The following FHDC1 variants were observed in gnomAD, a reference collection of about 807,000 sequenced individuals.
The protein encoded by FHDC1 is FH2 domain containing 1.
In FHDC1, 25 loss-of-function variants were observed where a neutral mutation model predicts 52.6. The ratio of observed to expected loss-of-function variants is 0.48; its 90% CI spans 0.35 to 0.66. The LOEUF (loss-of-function observed/expected upper bound fraction) is 0.66. Ranked by LOEUF, FHDC1 falls within the 30% of genes least tolerant of loss-of-function variation. FHDC1 has a pLI of 0.01. For synonymous variants in FHDC1, 616 were observed against 581.5 expected (o/e 1.06, Z -0.85); for missense variants, 1,459 against 1,452.8 (o/e 1.00, Z -0.07).
At chr4:152,942,400 T>C (rs1472470235) in intron 1 of FHDC1, among the ~76,000 whole-genome samples, 1 of 152,214 alleles carries the variant, frequency 6.6e-6, no homozygotes, top group Non-Finnish European at 1.5e-5. Context: ...GTGGCCCTGA[T>C]TCCAGGGAAA....
rs186118847 is a variant in FHDC1, at chr4:152,958,191, G to A, written c.664-2374G>A. Among the ~76,000 whole-genome samples, 3 of 152,280 alleles carry A rather than the reference G, an allele frequency of 2.0e-5. No individual in the cohort carries two copies. In the East Asian group the frequency reaches 5.8e-4, roughly 29 times the overall value. ...GAAGGAGGTGTGCCCTTTGGAGTGT[G>A]AGAGTCTCAAGGAGCCTGCTCTCAC... On this transcript the variant is annotated intron_variant, in intron 4 of 11. Transcript: ENST00000511601.
rs1741011895 is a variant in FHDC1, at chr4:152,979,448, T to C, written c.*2725T>C. 6.6e-6 allele frequency: 1 copy of C among 152,242 alleles called. No individual in the cohort carries two copies. Among genetic ancestry groups the C allele is most frequent in the Admixed American group, 6.5e-5 (1 of 15,282 alleles). 9.4% of individuals were successfully genotyped at this position (152,242 alleles called of 1,614,324 possible). On this transcript the variant is annotated 3_prime_UTR_variant, in exon 12 of 12. Coordinates refer to ENST00000511601, the MANE Select transcript of FHDC1 (RefSeq NM_001371116.1). ...AGCTGTGTTTCCTGGGAAGTGGTGC[T>C]TTACTTAGCCCTGTGGACAACTTCT...
Position 152,953,557 on chromosome 4 carries a change from A to G in FHDC1, c.557A>G (p.Lys186Arg). 6.2e-7 allele frequency: 1 copy of G among 1,611,416 alleles called. No individual in the cohort carries two copies. The highest frequency in any genetic ancestry group is 8.5e-7 in the Non-Finnish European group (1 of 1,179,752). Residue 186 changes from lysine to arginine, a missense_variant, in exon 3 of 12, where the codon AAG (lysine) becomes AGG (arginine). This residue lies in a region of FHDC1 where 513 missense variants were observed against 581.5 expected (regional missense o/e 0.88). Transcript: ENST00000511601. Reference protein sequence around the residue: ...MNIGIFLKQFKKSPRSIVEDI... With the variant: ...MNIGIFLKQFRKSPRSIVEDI... Reference sequence around the variant, plus strand: ...ATTGGGATATTTCTTAAGCAATTTAAGAAGTAAGATTTTGCACACATTTGA... The same window carrying G: ...ATTGGGATATTTCTTAAGCAATTTAGGAAGTAAGATTTTGCACACATTTGA...
intron 9 of FHDC1, among the ~76,000 whole-genome samples, chr4:152,967,608 T>G (rs756409492): frequency 6.6e-6 from 1 of 152,216 alleles, no homozygotes; most frequent in Non-Finnish European, 1.5e-5. Context: ...GAGTTTCCTA[T>G]TTGTGTTTAG....
intron 2 of FHDC1, among the ~76,000 whole-genome samples, chr4:152,948,572 C>G (rs960797761): frequency 6.6e-6 from 1 of 152,150 alleles, no homozygotes; most frequent in Non-Finnish European, 1.5e-5. Flanking sequence ...TCTGTCTCAG[C>G]CTCCTGAGTA....
chr4:152,971,676 G>C (rs1740641564), intron 10 of FHDC1, among the ~76,000 whole-genome samples: 1 of 152,234 alleles, frequency 6.6e-6, no homozygotes, highest in African/African-American at 2.4e-5. Flanking sequence ...GTTTTGTAAA[G>C]GACAGTAATG....
chr4:152,951,438 G>C (rs1739923633), intron 2 of FHDC1, among the ~76,000 whole-genome samples: 1 of 152,022 alleles, frequency 6.6e-6, no homozygotes, highest in Admixed American at 6.6e-5. Flanking sequence ...CGCCCTTTCA[G>C]CTTGGGAGTT....
chr4:152,935,089 C>A (rs1047425276), upstream of FHDC1, among the ~76,000 whole-genome samples: 1 of 152,070 alleles, frequency 6.6e-6, no homozygotes, highest in African/African-American at 2.4e-5. Flanking sequence ...TAATTGGATC[C>A]ATTTCTCTTC....
the FHDC1 span, among the ~76,000 whole-genome samples, chr4:152,920,140 G>C: frequency 1.3e-5 from 2 of 151,764 alleles, no homozygotes; most frequent in Non-Finnish European, 2.9e-5. Context: ...TAGAGACAGG[G>C]TTTCACCATA....
At chr4:152,922,636 G>A in the FHDC1 span, among the ~76,000 whole-genome samples, 1 of 152,114 alleles carries the variant, frequency 6.6e-6, no homozygotes, top group Non-Finnish European at 1.5e-5. Context: ...GAATCCAGCA[G>A]CACATCAAAA....
the FHDC1 span, among the ~76,000 whole-genome samples, chr4:152,924,706 T>C: frequency 6.6e-6 from 1 of 152,118 alleles, no homozygotes; most frequent in Admixed American, 6.5e-5. Context: ...TCATGTCATT[T>C]GTAGGGACAT....
intron 9 of FHDC1, among the ~76,000 whole-genome samples, chr4:152,965,820 C>A (rs564886003): frequency 6.6e-6 from 1 of 152,188 alleles, no homozygotes; most frequent in African/African-American, 2.4e-5. Context: ...AAGCCAGTTC[C>A]TAGCATATAC....
the FHDC1 span, among the ~76,000 whole-genome samples, chr4:152,916,834 G>A: frequency 2.0e-5 from 3 of 152,168 alleles, no homozygotes; most frequent in Non-Finnish European, 4.4e-5. Flanking sequence ...AAATAGTTTA[G>A]GATATGACTA....
At chr4:152,956,943 T>C (rs1411983839) in intron 4 of FHDC1, among the ~76,000 whole-genome samples, 1 of 152,064 alleles carries the variant, frequency 6.6e-6, no homozygotes, top group East Asian at 1.9e-4. Context: ...GTATCTGTGC[T>C]GTGGGAGGGG....
Position 152,975,037 on chromosome 4 carries a change from G to T in FHDC1, c.1746G>T (p.Thr582=), listed in dbSNP as rs1561215993. The change falls in exon 12 of 12, where the codon ACG becomes ACT. Residue 582 remains threonine (T), a synonymous_variant. Coordinates refer to ENST00000511601, the MANE Select transcript of FHDC1 (RefSeq NM_001371116.1). ...PRSSPRQARP[T]IACLEPAEVR... ...GCAGCCCCCGGCAGGCCCGGCCCAC[G>T]ATAGCCTGCCTGGAGCCTGCAGAAG... The T allele has an allele frequency of 3.7e-6, 6 of 1,612,490 alleles. No homozygotes were observed. Among genetic ancestry groups the T allele is most frequent in the Non-Finnish European group, 4.2e-6 (5 of 1,179,778 alleles).
At position 152,943,248 on chromosome 4, in the gene FHDC1, C is replaced by T. The variant is rs377664779; in HGVS notation, c.191C>T (p.Pro64Leu). Residue 64 changes from proline to leucine, a missense_variant, in exon 2 of 12, where the codon CCT (proline) becomes CTT (leucine). Physicochemically the swap from Pro to Leu is moderately conservative, Grantham distance 98. This residue lies in a region of FHDC1 where 513 missense variants were observed against 581.5 expected (regional missense o/e 0.88). Coordinates refer to ENST00000511601, the MANE Select transcript of FHDC1 (RefSeq NM_001371116.1). ...CPSSPPPPPP[P>L]PLPGEPPIPP... ...TCCTCCCCTCCTCCACCCCCACCAC[C>T]TCCACTTCCTGGGGAGCCTCCCATC... 1.1e-4 allele frequency: 182 copies of T among 1,608,464 alleles called. No individual in the cohort carries two copies. Among genetic ancestry groups the T allele is most frequent in the Non-Finnish European group, 1.5e-4 (174 of 1,177,214 alleles).
chr4:152,959,640 A>G (rs1228666506), intron 4 of FHDC1, among the ~76,000 whole-genome samples: 1 of 152,026 alleles, frequency 6.6e-6, no homozygotes, highest in Non-Finnish European at 1.5e-5. Flanking sequence ...GCCTCAAGTG[A>G]TCCTTCTGCC....
At chr4:152,924,903 C>G in the FHDC1 span, among the ~76,000 whole-genome samples, 1 of 150,668 alleles carries the variant, frequency 6.6e-6, no homozygotes, top group East Asian at 2.0e-4. Context: ...GGAGACATAC[C>G]TAATGCTAAT....
At chr4:152,934,520 G>C (rs1378003677), upstream of FHDC1, among the ~76,000 whole-genome samples, 3 of 152,166 alleles carry the variant, frequency 2.0e-5, no homozygotes, top group African/African-American at 7.2e-5. Flanking sequence ...CTAGTATTAT[G>C]TTTGTAAGTT....
Sources: allele counts gnomAD v4.1 joint callset (sites outside exome capture counted in the v4.1 genomes callset), GRCh38; gene constraint gnomAD v4.1.1; regional missense constraint gnomAD v4.1.1; transcripts MANE v1.5; gene names NCBI Gene and HGNC (gene_info 2026-07-23, HGNC 2026-07-21).